Variants in LOC400499 observed in about 807,000 individuals in gnomAD.
the LOC400499 span, among the ~76,000 whole-genome samples, chr16:11,455,708 C>A: frequency 7.0e-6 from 1 of 143,090 alleles, no homozygotes; most frequent in African/African-American, 2.6e-5. Context: ...GCACTCCAGC[C>A]TGGGTGACAG....
the LOC400499 span, among the ~76,000 whole-genome samples, chr16:11,510,284 C>T: frequency 2.6e-5 from 4 of 151,760 alleles, no homozygotes; most frequent in South Asian, 2.1e-4. Flanking sequence ...CACCTGCCCT[C>T]GCAGTGTGTC....
At chr16:11,518,758 T>G in the LOC400499 span, 1 of 396,322 alleles carries the variant, frequency 2.5e-6, no homozygotes, top group Non-Finnish European at 4.4e-6. Flanking sequence ...TGGCATCTCT[T>G]TGCTACAGAG....
At chr16:11,487,063 G>T in the LOC400499 span, among the ~76,000 whole-genome samples, 1 of 151,898 alleles carries the variant, frequency 6.6e-6, no homozygotes, top group African/African-American at 2.4e-5. Flanking sequence ...AGGGAGGGAG[G>T]GATGGAGTGA....
the LOC400499 span, among the ~76,000 whole-genome samples, chr16:11,455,234 C>G: frequency 6.6e-6 from 1 of 152,096 alleles, no homozygotes; most frequent in South Asian, 2.1e-4. Flanking sequence ...AAAGGTAACT[C>G]TTTTAAGAAA....
At chr16:11,463,363 C>T in the LOC400499 span, among the ~76,000 whole-genome samples, 1 of 150,074 alleles carries the variant, frequency 6.7e-6, no homozygotes, top group African/African-American at 2.4e-5. Context: ...GTCCCCGATC[C>T]CCACAGATGT....
At chr16:11,448,967 G>T in the LOC400499 span, 2 of 1,503,418 alleles carry the variant, frequency 1.3e-6, no homozygotes, top group Non-Finnish European at 1.8e-6. Context: ...CCTGCTGGGG[G>T]CCTTTCAACC....
At chr16:11,427,032 CAAAG>C in the LOC400499 span, among the ~76,000 whole-genome samples, 2 of 151,144 alleles carry the variant, frequency 1.3e-5, no homozygotes, top group Non-Finnish European at 2.9e-5. Context: ...TGACCTGTCT[CAAAG>C]GAAGCTACAC....
At chr16:11,499,614 A>G in the LOC400499 span, among the ~76,000 whole-genome samples, 53 of 152,176 alleles carry the variant, frequency 3.5e-4, no homozygotes, top group African/African-American at 8.4e-4. Flanking sequence ...AGGGCTCCCT[A>G]TATTCCACCT....
the LOC400499 span, among the ~76,000 whole-genome samples, chr16:11,508,213 GT>G: frequency 3.9e-5 from 6 of 152,254 alleles, no homozygotes; most frequent in East Asian, 9.7e-4. Context: ...AAGACAGATG[GT>G]GAGGAGAATC....
the LOC400499 span, among the ~76,000 whole-genome samples, chr16:11,427,638 G>C: frequency 6.6e-6 from 1 of 151,948 alleles, no homozygotes; most frequent in East Asian, 1.9e-4. Context: ...TAGCGACAGA[G>C]TCTCCCTATG....
chr16:11,523,678 T>G, the LOC400499 span: 1 of 378,648 alleles, frequency 2.6e-6, no homozygotes, highest in Non-Finnish European at 4.7e-6. Flanking sequence ...TTTGCTCTTG[T>G]TCATCTTGGG....
chr16:11,452,447 G>A, the LOC400499 span, among the ~76,000 whole-genome samples: 1 of 152,140 alleles, frequency 6.6e-6, no homozygotes. Flanking sequence ...ACCTAGAGCT[G>A]ACCACACGCG....
the LOC400499 span, chr16:11,413,048 C>A: frequency 5.0e-6 from 2 of 397,442 alleles, no homozygotes; most frequent in East Asian, 3.6e-5. Context: ...TATAGCCCAG[C>A]ACGTCCCTGT....
At chr16:11,479,763 G>A in the LOC400499 span, among the ~76,000 whole-genome samples, 2 of 152,030 alleles carry the variant, frequency 1.3e-5, no homozygotes, top group African/African-American at 4.8e-5. Flanking sequence ...ACCAACACTG[G>A]TATGTTTCTA....
chr16:11,377,680 T>C, the LOC400499 span, among the ~76,000 whole-genome samples: 1 of 152,252 alleles, frequency 6.6e-6, no homozygotes, highest in Non-Finnish European at 1.5e-5. Context: ...TGTAATCCTT[T>C]TTATGATGCT....
chr16:11,401,044 C>T, the LOC400499 span, among the ~76,000 whole-genome samples: 76 of 152,340 alleles, frequency 5.0e-4, no homozygotes, highest in African/African-American at 1.6e-3. Flanking sequence ...CTTCAAACAC[C>T]GCCTGGTATA....
At chr16:11,483,957 T>C in the LOC400499 span, among the ~76,000 whole-genome samples, 1 of 146,830 alleles carries the variant, frequency 6.8e-6, no homozygotes, top group Non-Finnish European at 1.5e-5. Flanking sequence ...AGCCTCTCAC[T>C]AGTTTCTGGG....
the LOC400499 span, among the ~76,000 whole-genome samples, chr16:11,524,979 T>G: frequency 1.3e-5 from 2 of 152,132 alleles, no homozygotes; most frequent in Admixed American, 6.6e-5. Flanking sequence ...GCTGACCTGT[T>G]TAATCCCTCG....
the LOC400499 span, among the ~76,000 whole-genome samples, chr16:11,402,527 G>T: frequency 2.6e-5 from 4 of 152,100 alleles, no homozygotes; most frequent in Admixed American, 2.6e-4. Flanking sequence ...GCCTCACCCC[G>T]CTTCCTCCCT....
Sources: allele counts gnomAD v4.1 joint callset (sites outside exome capture counted in the v4.1 genomes callset), GRCh38; gene constraint gnomAD v4.1.1; transcripts MANE v1.5.